The following PPP1R9A variants were observed in gnomAD, a reference collection of about 807,000 sequenced individuals.
PPP1R9A encodes the protein protein phosphatase 1 regulatory subunit 9A, also known as neurabin-1.
Under a neutral mutation model 141.9 loss-of-function variants are expected in PPP1R9A, and 59 were observed. The observed-to-expected ratio is 0.42, with a 90% confidence interval of 0.34 to 0.52. The LOEUF is 0.52. Among genes scored for constraint, PPP1R9A ranks in the 20% least tolerant of loss-of-function variants. PPP1R9A has a pLI of 0.10. For synonymous variants in PPP1R9A, 500 were observed against 569.7 expected, an observed-to-expected ratio of 0.88 and a Z score of 1.74; for missense variants, 1,444 against 1,611.9, an observed-to-expected ratio of 0.90 and a Z score of 1.78.
chr7:95,209,099 G>A (rs1434088575), intron 7 of PPP1R9A, among the ~76,000 whole-genome samples: 1 of 151,926 alleles, frequency 6.6e-6, no homozygotes, highest in Non-Finnish European at 1.5e-5. Context: ...TAAATAAGTT[G>A]TTAGTTTATT....
intron 16 of PPP1R9A, among the ~76,000 whole-genome samples, chr7:95,276,322 A>G (rs1225509864): frequency 6.6e-6 from 1 of 152,164 alleles, no homozygotes. Flanking sequence ...ATCACAAATG[A>G]AAGTCAAGCC....
intron 2 of PPP1R9A, among the ~76,000 whole-genome samples, chr7:94,953,265 T>A (rs1327906450): frequency 1.3e-5 from 2 of 152,204 alleles, no homozygotes; most frequent in Non-Finnish European, 2.9e-5. Context: ...ATCAGATGGT[T>A]GTAGATGTGT....
At chr7:95,149,608 C>T (rs1828278938) in intron 4 of PPP1R9A, among the ~76,000 whole-genome samples, 1 of 151,796 alleles carries the variant, frequency 6.6e-6, no homozygotes, top group Non-Finnish European at 1.5e-5. Context: ...AAATTAAAAA[C>T]ATATTAAAAT....
At chr7:95,109,705 G>A (rs796590373) in intron 2 of PPP1R9A, among the ~76,000 whole-genome samples, 13 of 151,974 alleles carry the variant, frequency 8.6e-5, no homozygotes, top group African/African-American at 3.1e-4. Flanking sequence ...TTAGCTGAGT[G>A]TGATGGCATG....
chr7:95,079,049 C>T lies in PPP1R9A; in HGVS notation c.1396-32210C>T, dbSNP rs186938862. ...GCTTTTGGTGTTTTGGACATGAAGT[C>T]CTTGCCCATGCCTATGTCCTGAATG... is the stretch of plus-strand genomic sequence containing the variant. On this transcript the variant is annotated intron_variant, in intron 2 of 19. Transcript: ENST00000433360. 5.1e-3 allele frequency among the ~76,000 whole-genome samples: 771 copies of T among 152,190 alleles called. 4 individuals carry two copies. The highest frequency in any genetic ancestry group is 0.017 in the Middle Eastern group (5 of 294).
At chr7:95,155,185 C>CTTTTTTTTTTTTTTTTTT (rs57799059) in intron 4 of PPP1R9A, 10 of 119,510 alleles carry the variant, frequency 8.4e-5, no homozygotes, top group Non-Finnish European at 1.5e-4. Flanking sequence ...TTCTTTTTTT[C>CTTTTTTTTTTTTTTTTTT]TTTTTTTTTT....
intron 2 of PPP1R9A, among the ~76,000 whole-genome samples, chr7:94,955,882 G>T (rs1204957544): frequency 1.3e-5 from 2 of 152,134 alleles, no homozygotes; most frequent in Non-Finnish European, 2.9e-5. Flanking sequence ...GTTGTAGGAT[G>T]AGAGTTCCTG....
At chr7:94,956,590 G>A (rs1039247818) in intron 2 of PPP1R9A, among the ~76,000 whole-genome samples, 4 of 152,040 alleles carry the variant, frequency 2.6e-5, no homozygotes, top group African/African-American at 9.7e-5. Flanking sequence ...TTGGAAAGCT[G>A]AGGTAGGAAG....
At position 95,091,825 on chromosome 7, in the gene PPP1R9A, G is replaced by A. The variant is rs76989931; in HGVS notation, c.1396-19434G>A. On this transcript the variant is annotated intron_variant, in intron 2 of 19. Coordinates refer to ENST00000433360, the MANE Select transcript of PPP1R9A (RefSeq NM_001166160.2). ...TTTTGGCATTTGGTGCGTTAATAAT[G>A]CTTTTTTTTTTTTTTCAAACTAAAG... Among the ~76,000 whole-genome samples, 214 of 129,548 alleles carry A rather than the reference G, an allele frequency of 1.7e-3. 4 individuals are homozygous for A. The East Asian group carries it at 0.032, about 19-fold the overall frequency. 85.0% of individuals were successfully genotyped at this position (129,548 alleles called of 152,430 possible). A position where few individuals can be genotyped will look rare whatever the true frequency, so the allele number is the denominator to read the frequency against.
intron 2 of PPP1R9A, among the ~76,000 whole-genome samples, chr7:94,986,779 G>T (rs568662293): frequency 1.3e-5 from 2 of 152,328 alleles, no homozygotes; most frequent in South Asian, 4.1e-4. Flanking sequence ...AAAAGAAATA[G>T]ATTTATGATT....
rs190668840 is a variant in PPP1R9A at position 94,994,904 on chromosome 7, A to C, written c.1395+83396A>C. 5.7e-3 allele frequency among the ~76,000 whole-genome samples: 861 copies of C among 151,692 alleles called. 9 individuals are homozygous for C. Among genetic ancestry groups the C allele is most frequent in the African/African-American group, 0.02 (816 of 41,378 alleles). On this transcript the variant is annotated intron_variant, in intron 2 of 19. Coordinates refer to ENST00000433360, the MANE Select transcript of PPP1R9A (RefSeq NM_001166160.2). ...AGACTCCGTCTCAAAAAAAAAAAAC[A>C]CAAAAAACCCACAAAACCCAAATTG...
intron 5 of PPP1R9A, among the ~76,000 whole-genome samples, chr7:95,174,371 G>A (rs536738169): frequency 6.6e-6 from 1 of 152,202 alleles, no homozygotes; most frequent in African/African-American, 2.4e-5. Context: ...GGAGGGAATT[G>A]TCTGCAAACA....
chr7:95,227,069 A>G (rs752703104), intron 8 of PPP1R9A, among the ~76,000 whole-genome samples: 22 of 152,336 alleles, frequency 1.4e-4, no homozygotes, highest in Admixed American at 5.2e-4. Flanking sequence ...AGAAAAAGAA[A>G]AGGTCTGCAG....
intron 2 of PPP1R9A, among the ~76,000 whole-genome samples, chr7:94,983,773 CA>C (rs2151355019): frequency 6.6e-6 from 1 of 152,296 alleles, no homozygotes; most frequent in African/African-American, 2.4e-5. Flanking sequence ...ATGTCATCTG[CA>C]AACAGGGACA....
intron 2 of PPP1R9A, among the ~76,000 whole-genome samples, chr7:94,951,224 T>C (rs1185683223): frequency 6.6e-6 from 1 of 152,130 alleles, no homozygotes; most frequent in African/African-American, 2.4e-5. Flanking sequence ...CTTATACTTT[T>C]GTTTTTTTTC....
At position 94,955,609 on chromosome 7, in the gene PPP1R9A, G is replaced by A. The variant is rs76744456; in HGVS notation, c.1395+44101G>A. ...CTGTCTGGGCACTGAAACGGGTATA[G>A]CTATTCTCAATGCATTCTCACTTGT... On this transcript the variant is annotated intron_variant, in intron 2 of 19. Transcript: ENST00000433360. Among the ~76,000 whole-genome samples the A allele has an allele frequency of 3.1e-3, 471 of 152,198 alleles. 11 individuals are homozygous for A. Among genetic ancestry groups the A allele is most frequent in the East Asian group, 0.022 (111 of 5,160 alleles).
chr7:94,940,613 A>G (rs1217913473), intron 2 of PPP1R9A, among the ~76,000 whole-genome samples: 1 of 152,008 alleles, frequency 6.6e-6, no homozygotes, highest in African/African-American at 2.4e-5. Context: ...GTTAGCCTCT[A>G]GAGTTCTTAA....
intron 4 of PPP1R9A, among the ~76,000 whole-genome samples, chr7:95,142,658 G>A (rs1307183045): frequency 6.6e-6 from 1 of 151,976 alleles, no homozygotes; most frequent in Non-Finnish European, 1.5e-5. Flanking sequence ...TTGAAAATCT[G>A]TTGATCATAA....
chr7:95,163,248 C>T (rs551553886), intron 5 of PPP1R9A, among the ~76,000 whole-genome samples: 12 of 152,258 alleles, frequency 7.9e-5, no homozygotes, highest in Non-Finnish European at 1.0e-4. Context: ...CTGTTGACTG[C>T]GTAATCTTGT....
Sources: gnomAD v4.1 joint callset for allele counts (sites outside exome capture counted in the v4.1 genomes callset) on GRCh38, gnomAD v4.1.1 for gene constraint, MANE v1.5 for transcripts, NCBI Gene and HGNC (gene_info 2026-07-23, HGNC 2026-07-21) for gene names.